The following SLC5A4 variants were observed in gnomAD, a reference collection of about 807,000 sequenced individuals.
SLC5A4 encodes solute carrier family 5 member 4.
A neutral mutation model predicts 70.3 loss-of-function variants in SLC5A4; 55 were observed. The ratio of observed to expected loss-of-function variants is 0.78; its 90% CI spans 0.63 to 0.98. The LOEUF is 0.98. SLC5A4 is among the 50% of genes least tolerant of loss of function. The probability of loss-of-function intolerance (pLI) is 0.00; values close to 1 mark genes in which losing one functional copy is unlikely to be tolerated. For synonymous variants in SLC5A4, 268 were observed against 305.7 expected, an observed-to-expected ratio of 0.88 and a Z score of 1.29; for missense variants, 735 against 839.2, an observed-to-expected ratio of 0.88 and a Z score of 1.53.
At chr22:32,308,910 T>C in the SLC5A4 span, among the ~76,000 whole-genome samples, 1 of 152,226 alleles carries the variant, frequency 6.6e-6, no homozygotes, top group African/African-American at 2.4e-5. Context: ...ATGTTCCCAA[T>C]AACTTCATCC....
the SLC5A4 span, among the ~76,000 whole-genome samples, chr22:32,303,046 T>A: frequency 6.6e-6 from 1 of 152,158 alleles, no homozygotes; most frequent in Admixed American, 6.6e-5. Flanking sequence ...TTTCTTTTTT[T>A]AAGCAGTGTT....
the SLC5A4 span, among the ~76,000 whole-genome samples, chr22:32,315,795 A>T: frequency 3.8e-5 from 2 of 53,254 alleles, no homozygotes; most frequent in Admixed American, 1.9e-4. Flanking sequence ...ACACTTGCTT[A>T]AAAAAAAAAA....
chr22:32,268,748 T>G, the SLC5A4 span, among the ~76,000 whole-genome samples: 2 of 152,180 alleles, frequency 1.3e-5, no homozygotes, highest in East Asian at 3.8e-4. Flanking sequence ...ATTTTGAAGG[T>G]AATGTAATAG....
At chr22:32,344,847 C>T in the SLC5A4 span, among the ~76,000 whole-genome samples, 392 of 152,174 alleles carry the variant, frequency 2.6e-3, 2 homozygotes, top group African/African-American at 9.0e-3. Context: ...CACTGATTAG[C>T]GTACCCTGTA....
chr22:32,306,833 C>G, the SLC5A4 span, among the ~76,000 whole-genome samples: 1 of 152,174 alleles, frequency 6.6e-6, no homozygotes, highest in African/African-American at 2.4e-5. Flanking sequence ...ATGTATGCTA[C>G]TAGCTTTAAA....
At chr22:32,310,231 T>G in the SLC5A4 span, among the ~76,000 whole-genome samples, 1 of 151,932 alleles carries the variant, frequency 6.6e-6, no homozygotes, top group Non-Finnish European at 1.5e-5. Flanking sequence ...TTTGGCAGAG[T>G]AAGCACCTAT....
the SLC5A4 span, among the ~76,000 whole-genome samples, chr22:32,307,729 AG>A: frequency 2.0e-5 from 3 of 152,230 alleles, no homozygotes; most frequent in African/African-American, 7.2e-5. Context: ...TCTGGTACAT[AG>A]TAAGTGCACA....
At chr22:32,241,509 C>T (rs748064977) in intron 5 of SLC5A4, among the ~76,000 whole-genome samples, 11 of 152,018 alleles carry the variant, frequency 7.2e-5, no homozygotes, top group East Asian at 1.9e-4. Context: ...GCAGTATGGG[C>T]GAGGCAATTC....
chr22:32,236,965 A>G (rs927444605), intron 7 of SLC5A4, among the ~76,000 whole-genome samples: 2 of 151,972 alleles, frequency 1.3e-5, no homozygotes, highest in Admixed American at 6.6e-5. Context: ...CGGCCTCCCA[A>G]AGTGCTGGGA....
upstream of SLC5A4, among the ~76,000 whole-genome samples, chr22:32,256,608 C>G (rs1317195354): frequency 6.6e-6 from 1 of 152,148 alleles, no homozygotes; most frequent in African/African-American, 2.4e-5. Flanking sequence ...CTGGTAACCT[C>G]TGTTATTCTT....
At chr22:32,339,259 C>T in the SLC5A4 span, among the ~76,000 whole-genome samples, 34 of 152,088 alleles carry the variant, frequency 2.2e-4, no homozygotes, top group Admixed American at 4.6e-4. Context: ...AAATAATGGT[C>T]GCAACAATCA....
Position 32,229,288 on chromosome 22 carries a change from A to C in SLC5A4, c.1186T>G (p.Ser396Ala). The C allele has an allele frequency of 6.2e-7, 1 of 1,614,140 alleles. No homozygotes were observed. The highest frequency in any genetic ancestry group is 1.1e-5 in the South Asian group (1 of 91,066). ...MLASLMSSLT[S>A]IFNSASTLFT... ...AGGGTGCTGGCGCTGTTGAAGATGG[A>C]GGTCAGGGAGCTCATGAGAGAGGCC... Residue 396 changes from serine (S) to alanine (A), a missense_variant, in exon 11 of 15, where the codon TCC becomes GCC. By Grantham distance (99) the Ser-to-Ala change is moderately conservative. Transcript: ENST00000266086.
chr22:32,303,125 T>C, the SLC5A4 span, among the ~76,000 whole-genome samples: 1 of 152,232 alleles, frequency 6.6e-6, no homozygotes, highest in Non-Finnish European at 1.5e-5. Context: ...TTTAGAAAGA[T>C]TATTTTCCCA....
the SLC5A4 span, among the ~76,000 whole-genome samples, chr22:32,346,650 T>C: frequency 2.2e-5 from 3 of 135,100 alleles, no homozygotes; most frequent in Non-Finnish European, 4.6e-5. Context: ...TGGCTAGCCA[T>C]ATGTAGAAAG....
At chr22:32,258,323 G>T (rs904417100), upstream of SLC5A4, among the ~76,000 whole-genome samples, 1 of 152,070 alleles carries the variant, frequency 6.6e-6, no homozygotes, top group Admixed American at 6.6e-5. Flanking sequence ...GACTTCCAAT[G>T]CTATGTTGAA....
chr22:32,252,159 G>A (rs752115760), intron 2 of SLC5A4, among the ~76,000 whole-genome samples: 80 of 152,004 alleles, frequency 5.3e-4, no homozygotes, highest in Non-Finnish European at 1.0e-3. Context: ...GAACCCAGGG[G>A]GTGGAGCCTG....
chr22:32,225,794 C>A lies in SLC5A4; in HGVS notation c.1310G>T (p.Ser437Ile), dbSNP rs1925362326. 1 of 1,609,206 alleles carries A rather than the reference C, an allele frequency of 6.2e-7. No individual in the cohort carries two copies. The highest frequency in any genetic ancestry group is 8.5e-7 in the Non-Finnish European group (1 of 1,177,510). The change falls in exon 12 of 15, where the codon AGC becomes ATC. Residue 437 changes from serine to isoleucine, a missense_variant. Physicochemically the swap from Ser to Ile is moderately radical, Grantham distance 142. Transcript: ENST00000266086. Reference sequence around the variant, plus strand: ...TTGTACCAGTGGGACCCACACAATGCTCACAACAGTTAATAGAAGAACAAA... The same window carrying A: ...TTGTACCAGTGGGACCCACACAATGATCACAACAGTTAATAGAAGAACAAA... ...RIFVLLLTVVSIVWVPLVQVS... is the reference protein window; with the variant it reads ...RIFVLLLTVVIIVWVPLVQVS...
rs746200908 is a variant in SLC5A4 at position 32,229,167 on chromosome 22, T to C, written c.1280+27A>G. On this transcript the variant is annotated intron_variant, in intron 11 of 14. Transcript: ENST00000266086. ...CTACGTCTGTACTTCTCCAGAGGAT[T>C]CTAGGTGGGAACCAGGGTTCACTCA... The C allele has an allele frequency of 1.7e-5, 28 of 1,607,456 alleles. No homozygotes were observed. In the South Asian group the frequency reaches 3.1e-4, roughly 18 times the overall value.
intron 7 of SLC5A4, among the ~76,000 whole-genome samples, chr22:32,237,000 G>A (rs182672069): frequency 7.9e-5 from 12 of 152,146 alleles, no homozygotes; most frequent in East Asian, 1.9e-4. Flanking sequence ...CACCGCGCCC[G>A]GCCTCTAAGC....
Sources: gnomAD v4.1 joint callset for allele counts (sites outside exome capture counted in the v4.1 genomes callset) on GRCh38, gnomAD v4.1.1 for gene constraint, MANE v1.5 for transcripts, NCBI Gene and HGNC (gene_info 2026-07-23, HGNC 2026-07-21) for gene names.